Variants in GABRB2 observed in about 807,000 individuals in gnomAD.
The protein encoded by GABRB2 is gamma-aminobutyric acid type A receptor subunit beta2, also known as gamma-aminobutyric acid receptor subunit beta-2.
Under a neutral mutation model 54.7 loss-of-function variants are expected in GABRB2, and 16 were observed. The observed-to-expected ratio is 0.29, with a 90% confidence interval of 0.20 to 0.44. The LOEUF (loss-of-function observed/expected upper bound fraction) is 0.44, where lower values mean the gene tolerates loss of function less well. Among genes scored for constraint, GABRB2 ranks in the 20% least tolerant of loss-of-function variants. The probability of loss-of-function intolerance (pLI) is 1.00; values close to 1 mark genes in which losing one functional copy is unlikely to be tolerated. For missense variants in GABRB2, 355 were observed against 644.0 expected, an observed-to-expected ratio of 0.55 and a Z score of 4.86; for synonymous variants, 244 against 233.8, an observed-to-expected ratio of 1.04 and a Z score of -0.40.
intron 5 of GABRB2, among the ~76,000 whole-genome samples, chr5:161,353,015 T>A (rs1211003751): frequency 1.3e-5 from 2 of 152,034 alleles, no homozygotes; most frequent in Non-Finnish European, 2.9e-5. Context: ...ATATTTTCCA[T>A]GTTGTTCTAA....
At chr5:161,441,961 A>G (rs1757476902) in intron 4 of GABRB2, among the ~76,000 whole-genome samples, 1 of 152,282 alleles carries the variant, frequency 6.6e-6, no homozygotes, top group Admixed American at 6.5e-5. Context: ...GAGAATGGTA[A>G]TGGGAGGCTA....
chr5:161,491,654 CA>C (rs1188080537), intron 3 of GABRB2, among the ~76,000 whole-genome samples: 1 of 151,482 alleles, frequency 6.6e-6, no homozygotes, highest in Non-Finnish European at 1.5e-5. Context: ...TCAGAACCTT[CA>C]AAACCAAGAA....
chr5:161,323,789 CTGTG>C (rs1343245555), intron 9 of GABRB2, among the ~76,000 whole-genome samples: 3 of 152,204 alleles, frequency 2.0e-5, no homozygotes, highest in East Asian at 1.9e-4. Context: ...TGCGTATACA[CTGTG>C]TGTATGTGTT....
intron 4 of GABRB2, among the ~76,000 whole-genome samples, chr5:161,443,966 C>T (rs901674918): frequency 3.3e-5 from 5 of 152,138 alleles, no homozygotes; most frequent in Non-Finnish European, 7.4e-5. Context: ...AAAAGCATTT[C>T]TCATTATCAC....
intron 5 of GABRB2, among the ~76,000 whole-genome samples, chr5:161,403,940 T>C (rs1168133227): frequency 6.6e-6 from 1 of 152,164 alleles, no homozygotes; most frequent in Non-Finnish European, 1.5e-5. Flanking sequence ...ACAAATATGA[T>C]TTCTCTTTAC....
chr5:161,399,267 C>T (rs1756103851), intron 5 of GABRB2, among the ~76,000 whole-genome samples: 1 of 152,092 alleles, frequency 6.6e-6, no homozygotes, highest in Non-Finnish European at 1.5e-5. Context: ...AGAATGACCT[C>T]AGTTTAAATC....
At chr5:161,459,295 T>C in intron 4 of GABRB2, 1 of 312,580 alleles carries the variant, frequency 3.2e-6, no homozygotes, top group Non-Finnish European at 6.1e-6. Flanking sequence ...ATTCAAACAA[T>C]TAGTTGGCAT....
At chr5:161,297,321 T>C (rs1217680269) in intron 9 of GABRB2, among the ~76,000 whole-genome samples, 1 of 152,178 alleles carries the variant, frequency 6.6e-6, no homozygotes, top group Non-Finnish European at 1.5e-5. Flanking sequence ...CTGGGACACA[T>C]GTGCAGAACA....
At chr5:161,368,116 G>GACACACACACACACAC (rs11467721) in intron 5 of GABRB2, among the ~76,000 whole-genome samples, 153 of 144,998 alleles carry the variant, frequency 1.1e-3, no homozygotes, top group Non-Finnish European at 1.4e-3. Flanking sequence ...CTCCCTCTCT[G>GACACACACACACACAC]ACACACACAC....
At chr5:161,469,650 CAG>C (rs1758381281) in intron 3 of GABRB2, among the ~76,000 whole-genome samples, 1 of 149,680 alleles carries the variant, frequency 6.7e-6, no homozygotes, top group African/African-American at 2.5e-5. Flanking sequence ...GTCTAATACT[CAG>C]AGGAGATGGA....
rs912012861 is a variant in GABRB2 at position 161,459,512 on chromosome 5, T to G, written c.458+112A>C. On this transcript the variant is annotated intron_variant, in intron 4 of 9. Coordinates refer to ENST00000393959, the MANE Select transcript of GABRB2 (RefSeq NM_001371727.1). ...TCTAGTGGATAGGAGGCTTAACTGTTTCTTAGTAGAATTGAAGAAAGATAA... is the reference window on the plus strand; with the variant it reads ...TCTAGTGGATAGGAGGCTTAACTGTGTCTTAGTAGAATTGAAGAAAGATAA... 1.3e-5 allele frequency: 12 copies of G among 913,722 alleles called. No homozygotes were observed. The Admixed American group carries it at 2.5e-4, about 19-fold the overall frequency. The allele number at this position is 913,722 out of a possible 1,614,324, so 56.6% of individuals were successfully genotyped here. A position where few individuals can be genotyped will look rare whatever the true frequency, so the allele number is the denominator to read the frequency against.
intron 3 of GABRB2, among the ~76,000 whole-genome samples, chr5:161,506,244 A>C (rs1759602867): frequency 6.6e-6 from 1 of 152,160 alleles, no homozygotes; most frequent in African/African-American, 2.4e-5. Context: ...AACATTTAGG[A>C]GATAAAAAAG....
intron 3 of GABRB2, among the ~76,000 whole-genome samples, chr5:161,492,097 T>G (rs542832416): frequency 1.7e-4 from 26 of 151,726 alleles, no homozygotes; most frequent in Admixed American, 3.3e-4. Context: ...ATTTCAATCT[T>G]GCTTTTTAAA....
chr5:161,385,479 C>G (rs58522695), intron 5 of GABRB2, among the ~76,000 whole-genome samples: 25,928 of 152,080 alleles, frequency 0.17, 3,108 homozygotes, highest in African/African-American at 0.33. Flanking sequence ...CTTAGTACTT[C>G]AAGATTTTTT....
chr5:161,533,656 A>T (rs1760536487), intron 3 of GABRB2, among the ~76,000 whole-genome samples: 1 of 152,148 alleles, frequency 6.6e-6, no homozygotes, highest in South Asian at 2.1e-4. Context: ...GTAATCTCTA[A>T]AACATATTTA....
chr5:161,434,010 G>A (rs1251454350), intron 4 of GABRB2, among the ~76,000 whole-genome samples: 3 of 152,008 alleles, frequency 2.0e-5, no homozygotes, highest in African/African-American at 7.2e-5. Flanking sequence ...TTACCGAAAT[G>A]TCTCATTATC....
intron 3 of GABRB2, among the ~76,000 whole-genome samples, chr5:161,541,939 CT>C (rs2113479157): frequency 6.6e-6 from 1 of 152,340 alleles, no homozygotes; most frequent in East Asian, 1.9e-4. Flanking sequence ...ACTTTCCTCA[CT>C]GATCTTAATC....
chr5:161,490,554 A>C (rs1326786588), intron 3 of GABRB2, among the ~76,000 whole-genome samples: 1 of 151,754 alleles, frequency 6.6e-6, no homozygotes, highest in African/African-American at 2.4e-5. Context: ...ACTGCCCAGC[A>C]CAGCAGAAGT....
intron 8 of GABRB2, among the ~76,000 whole-genome samples, chr5:161,329,124 T>A (rs1753753236): frequency 6.6e-6 from 1 of 152,130 alleles, no homozygotes; most frequent in Non-Finnish European, 1.5e-5. Context: ...AAATGCAAAT[T>A]GGTATAAAAA....
Sources: allele counts gnomAD v4.1 joint callset (sites outside exome capture counted in the v4.1 genomes callset), GRCh38; gene constraint gnomAD v4.1.1; transcripts MANE v1.5; gene names NCBI Gene and HGNC (gene_info 2026-07-23, HGNC 2026-07-21).